The following UBXN4 variants were observed in gnomAD, a reference collection of about 807,000 sequenced individuals.
The protein encoded by UBXN4 is UBX domain-containing protein 4.
UBXN4 carries 35 observed loss-of-function variants against 66.2 expected under a neutral mutation model. The ratio of observed to expected loss-of-function variants is 0.53; its 90% CI spans 0.40 to 0.70. The LOEUF (loss-of-function observed/expected upper bound fraction) is 0.70. Among genes scored for constraint, UBXN4 ranks in the 30% least tolerant of loss-of-function variants. The pLI, the probability that UBXN4 is intolerant of heterozygous loss-of-function variation, is 0.00. For synonymous variants in UBXN4, 203 were observed against 204.5 expected, an observed-to-expected ratio of 0.99 and a Z score of 0.06; for missense variants, 533 against 599.8, an observed-to-expected ratio of 0.89 and a Z score of 1.16.
intron 1 of UBXN4, chr2:135,747,797 G>A (rs2077218463): frequency 2.5e-6 from 1 of 405,324 alleles, no homozygotes; most frequent in African/African-American, 2.1e-5. Context: ...ACCACACCTG[G>A]CTAAGTAGAG....
intron 5 of UBXN4, among the ~76,000 whole-genome samples, chr2:135,759,482 A>G (rs929151180): frequency 1.3e-5 from 2 of 152,140 alleles, no homozygotes; most frequent in African/African-American, 4.8e-5. Flanking sequence ...ATAGTTTTCC[A>G]CAGTCTGGAT....
intron 2 of UBXN4, among the ~76,000 whole-genome samples, chr2:135,751,881 C>T (rs2077244268): frequency 6.6e-6 from 1 of 152,066 alleles, no homozygotes; most frequent in Non-Finnish European, 1.5e-5. Flanking sequence ...GAAGCATCTA[C>T]ATTGATGAGT....
intron 9 of UBXN4, 145 bp from the exon 10 acceptor site, chr2:135,776,104 G>T: frequency 1.6e-6 from 1 of 613,540 alleles, no homozygotes; most frequent in Admixed American, 3.0e-5. Flanking sequence ...TCTCAGTAAA[G>T]CAGTTATTAA....
chr2:135,755,702 A>G lies in UBXN4; in HGVS notation c.508+11A>G, dbSNP rs759333126. 3 of 1,484,140 alleles carry G rather than the reference A, an allele frequency of 2.0e-6. No homozygotes were observed. Among genetic ancestry groups the G allele is most frequent in the South Asian group, 1.5e-5 (1 of 65,012 alleles). 91.9% of individuals were successfully genotyped at this position (1,484,140 alleles called of 1,614,324 possible). On this transcript the variant is annotated intron_variant, in intron 5 of 12. Coordinates refer to ENST00000272638, the MANE Select transcript of UBXN4 (RefSeq NM_014607.4). ...CAGATACTGCAACAGGTAACTTTTA[A>G]TGTACCTTTTTGAGTGCAATAGAAG...
chr2:135,754,944 C>T (rs547951960), intron 4 of UBXN4, among the ~76,000 whole-genome samples: 17 of 151,938 alleles, frequency 1.1e-4, no homozygotes, highest in African/African-American at 3.9e-4. Context: ...CCACCATGCC[C>T]AGCTAATTTT....
chr2:135,762,272 A>C (rs989677995), intron 6 of UBXN4, among the ~76,000 whole-genome samples: 1 of 152,214 alleles, frequency 6.6e-6, no homozygotes, highest in Admixed American at 6.5e-5. Context: ...ACTGAGCTTA[A>C]GTTCTGCATA....
intron 4 of UBXN4, 96 bp from the exon 5 acceptor site, chr2:135,755,421 T>A (rs2077273702): frequency 1.1e-6 from 1 of 926,840 alleles, no homozygotes; most frequent in Non-Finnish European, 1.4e-6. Flanking sequence ...ATTTCTCTTT[T>A]TATAGAGTAT....
At position 135,770,575 on chromosome 2, in the gene UBXN4, A is replaced by G; in HGVS notation, c.662A>G (p.Glu221Gly). The G allele has an allele frequency of 2.0e-6, 3 of 1,485,104 alleles. No homozygotes were observed. The highest frequency in any genetic ancestry group is 2.7e-6 in the Non-Finnish European group (3 of 1,116,044). The allele number at this position is 1,485,104 out of a possible 1,614,324, so 92.0% of individuals were successfully genotyped here. A position where few individuals can be genotyped will look rare whatever the true frequency, so the allele number is the denominator to read the frequency against. ...EEKRKEEEQR[E>G]IKKEIERRKT... ...AAAACTTTTTCTTTAATTCAGAGAG[A>G]AATTAAGAAGGAAATTGAGAGGAGA... is the stretch of plus-strand genomic sequence containing the variant. Residue 221 changes from glutamate (E) to glycine (G), a missense_variant, in exon 8 of 13, where the codon GAA becomes GGA. By Grantham distance (98) the Glu-to-Gly change is moderately conservative. This residue lies in a region of UBXN4 where 529 missense variants were observed against 580.1 expected (regional missense o/e 0.91). Coordinates refer to ENST00000272638, the MANE Select transcript of UBXN4 (RefSeq NM_014607.4).
intron 6 of UBXN4, among the ~76,000 whole-genome samples, chr2:135,763,179 C>T (rs2077325647): frequency 6.6e-6 from 1 of 152,158 alleles, no homozygotes; most frequent in Non-Finnish European, 1.5e-5. Flanking sequence ...ACTAATAACA[C>T]CAGCGTATGT....
At chr2:135,743,043 A>G (rs1441982237) in intron 1 of UBXN4, among the ~76,000 whole-genome samples, 1 of 152,218 alleles carries the variant, frequency 6.6e-6, no homozygotes, top group Non-Finnish European at 1.5e-5. Flanking sequence ...TACATGGACC[A>G]AATCAATGTT....
At chr2:135,780,068 A>G (rs2077440390) in intron 11 of UBXN4, 115 bp from the exon 12 acceptor site, 1 of 915,420 alleles carries the variant, frequency 1.1e-6, no homozygotes, top group Admixed American at 2.5e-5. Flanking sequence ...ACCCTCTTGA[A>G]GTAAACTAAA....
chr2:135,768,140 T>G (rs1012136960), intron 6 of UBXN4, among the ~76,000 whole-genome samples: 11 of 152,184 alleles, frequency 7.2e-5, no homozygotes, highest in African/African-American at 2.7e-4. Context: ...TTTTAGTATA[T>G]TCACAAGGTT....
intron 6 of UBXN4, among the ~76,000 whole-genome samples, chr2:135,762,347 T>C (rs1477283950): frequency 6.6e-6 from 1 of 152,186 alleles, no homozygotes; most frequent in Non-Finnish European, 1.5e-5. Context: ...AATTTCTGGC[T>C]CTTTGTAGTT....
In UBXN4 at chr2:135,776,344, C is replaced by T; in HGVS notation, c.1046C>T (p.Ala349Val). ...CCTCTAGAAGAGGCAAGGCAGTTTG[C>T]TGCACAGGTAAATTTATGTCTTGAG... The part of the protein sequence containing the change: ...DAPLEEARQF[A>V]AQTVGNTYGN... Residue 349 changes from alanine (A) to valine (V), a missense_variant, in exon 10 of 13, where the codon GCT becomes GTT. This residue lies in a region of UBXN4 where 529 missense variants were observed against 580.1 expected (regional missense o/e 0.91). Transcript: ENST00000272638. The T allele has an allele frequency of 6.2e-7, 1 of 1,612,002 alleles. No homozygotes were observed. The highest frequency in any genetic ancestry group is 8.5e-7 in the Non-Finnish European group (1 of 1,178,860).
chr2:135,760,461 C>T (rs184558087), intron 5 of UBXN4, among the ~76,000 whole-genome samples: 3 of 152,182 alleles, frequency 2.0e-5, no homozygotes, highest in African/African-American at 7.2e-5. Flanking sequence ...TTATATTTTA[C>T]ATCTTCAAGT....
chr2:135,758,884 G>A (rs370512294), intron 5 of UBXN4, among the ~76,000 whole-genome samples: 1 of 151,652 alleles, frequency 6.6e-6, no homozygotes, highest in Non-Finnish European at 1.5e-5. Flanking sequence ...TCAGCCTCCC[G>A]AGTAGCTGGG....
intron 2 of UBXN4, among the ~76,000 whole-genome samples, chr2:135,748,699 T>TG (rs1430325770): frequency 6.8e-6 from 1 of 147,098 alleles, no homozygotes; most frequent in Non-Finnish European, 1.5e-5. Flanking sequence ...CACTCCAGCC[T>TG]GGGTGACAGA....
chr2:135,745,767 T>G (rs1044546549), intron 1 of UBXN4, among the ~76,000 whole-genome samples: 1 of 152,150 alleles, frequency 6.6e-6, no homozygotes, highest in Non-Finnish European at 1.5e-5. Flanking sequence ...GTGATCTCAC[T>G]TGCAAATAGT....
chr2:135,755,645 T>G lies in UBXN4; in HGVS notation c.462T>G (p.Leu154=). 1 of 1,600,760 alleles carries G rather than the reference T, an allele frequency of 6.2e-7. No individual in the cohort carries two copies. Residue 154 remains leucine (L), a synonymous_variant, in exon 5 of 13, where the codon CTT becomes CTG. Coordinates refer to ENST00000272638, the MANE Select transcript of UBXN4 (RefSeq NM_014607.4). ...ACTCTCAGTCCAGAAATGCAGAGCTTTGTGAGATACCACCCACTTCTGATA... is the reference window on the plus strand; with the variant it reads ...ACTCTCAGTCCAGAAATGCAGAGCTGTGTGAGATACCACCCACTTCTGATA... ...CENSQSRNAE[L]CEIPPTSDTK...
Sources: allele counts gnomAD v4.1 joint callset (sites outside exome capture counted in the v4.1 genomes callset), GRCh38; gene constraint gnomAD v4.1.1; regional missense constraint gnomAD v4.1.1; transcripts MANE v1.5; gene names NCBI Gene and HGNC (gene_info 2026-07-23, HGNC 2026-07-21).